The following PHF12 variants were observed in gnomAD, a reference collection of about 807,000 sequenced individuals.
PHF12 encodes the protein PHD finger protein 12.
PHF12 carries 6 observed loss-of-function variants against 99.8 expected under a neutral mutation model. That is an observed-to-expected ratio of 0.06 (90% CI 0.03 to 0.12). The LOEUF (loss-of-function observed/expected upper bound fraction) is 0.12, where lower values mean the gene tolerates loss of function less well. Ranked by LOEUF, PHF12 falls within the 10% of genes least tolerant of loss-of-function variation. The pLI is 1.00. For synonymous variants in PHF12, 480 were observed against 514.9 expected (o/e 0.93, Z 0.92); for missense variants, 954 against 1,300.1 (o/e 0.73, Z 4.09).
At chr17:28,926,120 C>G (rs560459457) in intron 3 of PHF12, 1 of 152,610 alleles carries the variant, frequency 6.6e-6, no homozygotes, top group Non-Finnish European at 1.5e-5. Flanking sequence ...CCCTTATGCA[C>G]GTATTTGAAA....
At chr17:28,928,643 G>A (rs1018175626) in intron 2 of PHF12, among the ~76,000 whole-genome samples, 11 of 152,062 alleles carry the variant, frequency 7.2e-5, no homozygotes, top group African/African-American at 1.4e-4. Context: ...TTAGCTGGGC[G>A]TGGTGGTGGG....
At position 28,906,036 on chromosome 17, in the gene PHF12, C is replaced by T; in HGVS notation, c.*147G>A. Reference sequence around the variant, plus strand: ...AGAAAAAGGATTTTTAAAAAACAGTCAAAAGGTTTTCTTCATTTCATGCAA... The same window carrying T: ...AGAAAAAGGATTTTTAAAAAACAGTTAAAAGGTTTTCTTCATTTCATGCAA... On this transcript the variant is annotated 3_prime_UTR_variant, in exon 15 of 15. Transcript: ENST00000332830. The surrounding 1 kb of genome is among the most constrained non-coding windows in gnomAD (Gnocchi z 4.2). 1.2e-6 allele frequency: 1 copy of T among 802,340 alleles called. No homozygotes were observed. The highest frequency in any genetic ancestry group is 2.9e-5 in the East Asian group (1 of 34,814). The allele number at this position is 802,340 out of a possible 1,614,324, so 49.7% of individuals were successfully genotyped here. A position where few individuals can be genotyped will look rare whatever the true frequency, so the allele number is the denominator to read the frequency against.
rs149638789 is a variant in PHF12 at position 28,940,920 on chromosome 17, C to A, written c.248+9145G>T. Reference sequence around the variant, plus strand: ...CTGTCCTGTATTCTCTTGGGAGGCACGCATTATGCAGAGGTTCTCTTCTAA... The same window carrying A: ...CTGTCCTGTATTCTCTTGGGAGGCAAGCATTATGCAGAGGTTCTCTTCTAA... On this transcript the variant is annotated intron_variant, in intron 2 of 14. Coordinates refer to ENST00000332830, the MANE Select transcript of PHF12 (RefSeq NM_001033561.2). Among the ~76,000 whole-genome samples, 3 of 152,074 alleles carry A rather than the reference C, an allele frequency of 2.0e-5. No individual in the cohort carries two copies. In the South Asian group the frequency reaches 6.2e-4, roughly 31 times the overall value.
intron 4 of PHF12, among the ~76,000 whole-genome samples, chr17:28,923,257 T>C (rs992626375): frequency 6.6e-6 from 1 of 151,874 alleles, no homozygotes; most frequent in Non-Finnish European, 1.5e-5. Flanking sequence ...AGCAGGAAGG[T>C]GGAAAGTAGG....
In PHF12 at chr17:28,912,694, G is replaced by T. The variant is rs1193557513; in HGVS notation, c.1877C>A (p.Pro626His). The change falls in exon 9 of 15, where the codon CCT becomes CAT. Residue 626 changes from proline (P) to histidine (H), a missense_variant. Around this residue, in one of 8 missense-constraint regions of PHF12, gnomAD observed 392 missense variants for 423.1 expected, o/e 0.93. Coordinates refer to ENST00000332830, the MANE Select transcript of PHF12 (RefSeq NM_001033561.2). ...RSLVPVPSLPPSIPSSCASIE... is the reference protein window; with the variant it reads ...RSLVPVPSLPHSIPSSCASIE... ...GCTGGCACAAGAGCTGGGAATGGAA[G>T]GGGGCAGGCTTGGGACAGGAACCAA... The T allele has an allele frequency of 2.5e-6, 4 of 1,614,264 alleles. No homozygotes were observed. Among genetic ancestry groups the T allele is most frequent in the Non-Finnish European group, 3.4e-6 (4 of 1,180,052 alleles).
chr17:28,938,887 A>G (rs976673867), intron 2 of PHF12, among the ~76,000 whole-genome samples: 2 of 152,322 alleles, frequency 1.3e-5, no homozygotes, highest in East Asian at 1.9e-4. Flanking sequence ...CTCCAGAGCC[A>G]TGATTTTCCC....
intron 2 of PHF12, among the ~76,000 whole-genome samples, chr17:28,948,416 T>C (rs1476505099): frequency 6.6e-6 from 1 of 152,228 alleles, no homozygotes; most frequent in African/African-American, 2.4e-5. Context: ...TTACACCTTA[T>C]AGGAAGTAAA....
At chr17:28,926,742 T>C in intron 3 of PHF12, 4 of 1,439,126 alleles carry the variant, frequency 2.8e-6, no homozygotes, top group Non-Finnish European at 3.7e-6. Flanking sequence ...AGACTACTCC[T>C]GTCACTAGTG....
At chr17:28,930,370 C>A (rs964227297) in intron 2 of PHF12, among the ~76,000 whole-genome samples, 57 of 152,218 alleles carry the variant, frequency 3.7e-4, no homozygotes, top group Admixed American at 8.5e-4. Context: ...TTTGTACCTC[C>A]ACACCCTGTA....
chr17:28,928,705 T>C lies in PHF12; in HGVS notation c.249-1642A>G, dbSNP rs572850647. Among the ~76,000 whole-genome samples the C allele has an allele frequency of 7.1e-3, 1,079 of 151,526 alleles. 20 individuals are homozygous for C. The highest frequency in any genetic ancestry group is 7.0e-3 in the Non-Finnish European group (478 of 67,860). Reference sequence around the variant, plus strand: ...GCTGAGGCAGGAGAATCCTTTGAACTCGGGAGGCGGAAGTTGCAGTGAGCC... The same window carrying C: ...GCTGAGGCAGGAGAATCCTTTGAACCCGGGAGGCGGAAGTTGCAGTGAGCC... On this transcript the variant is annotated intron_variant, in intron 2 of 14. Transcript: ENST00000332830.
intron 5 of PHF12, among the ~76,000 whole-genome samples, chr17:28,919,533 G>A (rs2040122927): frequency 6.6e-6 from 1 of 152,210 alleles, no homozygotes. Flanking sequence ...AGGAGACTGA[G>A]ACTGAGACTA....
At chr17:28,948,875 G>A (rs183282397) in intron 2 of PHF12, among the ~76,000 whole-genome samples, 1 of 152,278 alleles carries the variant, frequency 6.6e-6, no homozygotes, top group African/African-American at 2.4e-5. Flanking sequence ...AACTGTTGCA[G>A]AACAACAGAA....
Position 28,950,736 on chromosome 17 carries a change from GC to G in PHF12, c.66+158del. ...CAAACGTCCTCGGAGGCTGAGCTCAGCCCCCTAAATTGCAAAGAGGGGAGGG... is the reference window on the plus strand; with the variant it reads ...CAAACGTCCTCGGAGGCTGAGCTCAGCCCCTAAATTGCAAAGAGGGGAGGG... On this transcript the variant is annotated intron_variant, in intron 1 of 14. Transcript: ENST00000332830. The surrounding 1 kb of genome is among the most constrained non-coding windows in gnomAD (Gnocchi z 5.7). 1 of 1,059,826 alleles carries G rather than the reference GC, an allele frequency of 9.4e-7. No individual in the cohort carries two copies. The highest frequency in any genetic ancestry group is 1.6e-5 in the African/African-American group (1 of 60,982). The allele number at this position is 1,059,826 out of a possible 1,614,324, so 65.7% of individuals were successfully genotyped here.
intron 4 of PHF12, 137 bp from the exon 5 acceptor site, chr17:28,921,945 C>G (rs1415119930): frequency 1.7e-6 from 2 of 1,188,834 alleles, no homozygotes; most frequent in Non-Finnish European, 2.3e-6. Flanking sequence ...TCTGAGGCCC[C>G]TGGGGTTGAT....
Position 28,949,970 on chromosome 17 carries a change from A to C in PHF12, c.248+95T>G, listed in dbSNP as rs2040780137. 1 of 1,378,744 alleles carries C rather than the reference A, an allele frequency of 7.3e-7. No individual in the cohort carries two copies. Among genetic ancestry groups the C allele is most frequent in the Non-Finnish European group, 9.7e-7 (1 of 1,029,000 alleles). The allele number at this position is 1,378,744 out of a possible 1,614,324, so 85.4% of individuals were successfully genotyped here. A position where few individuals can be genotyped will look rare whatever the true frequency, so the allele number is the denominator to read the frequency against. ...TGCAGAAAGTCAGCTAGCGGCTGCA[A>C]GCGCCCGTTATTTCGGCAGTCAGGG... On this transcript the variant is annotated intron_variant, in intron 2 of 14. Transcript: ENST00000332830. The surrounding 1 kb of genome is among the most constrained non-coding windows in gnomAD (Gnocchi z 4.6).
chr17:28,939,750 A>C (rs971590445), intron 2 of PHF12, among the ~76,000 whole-genome samples: 1 of 152,250 alleles, frequency 6.6e-6, no homozygotes, highest in African/African-American at 2.4e-5. Flanking sequence ...TGAGGACCAT[A>C]GCTGAGTAAA....
chr17:28,939,923 T>G (rs1421425338), intron 2 of PHF12, among the ~76,000 whole-genome samples: 1 of 152,234 alleles, frequency 6.6e-6, no homozygotes, highest in African/African-American at 2.4e-5. Flanking sequence ...TCACTCAAGC[T>G]TATTTCAAAA....
At chr17:28,910,927 CTACAGAAGGAG>C in intron 10 of PHF12, 174 bp downstream of exon 10, 1 of 743,974 alleles carries the variant, frequency 1.3e-6, no homozygotes, top group Non-Finnish European at 2.1e-6. Flanking sequence ...GAAGGCAGAG[CTACAGAAGGAG>C]CTTTCTTTTT....
At chr17:28,930,235 A>C (rs544014461) in intron 2 of PHF12, among the ~76,000 whole-genome samples, 1 of 152,194 alleles carries the variant, frequency 6.6e-6, no homozygotes, top group South Asian at 2.1e-4. Context: ...ATCTTTTGAG[A>C]CTCAAGTCAC....
Sources: gnomAD v4.1 joint callset for allele counts (sites outside exome capture counted in the v4.1 genomes callset) on GRCh38, gnomAD v4.1.1 for gene constraint, gnomAD v4.1.1 regional missense constraint, Gnocchi (gnomAD v3.1) non-coding constraint, MANE v1.5 for transcripts, NCBI Gene and HGNC (gene_info 2026-07-23, HGNC 2026-07-21) for gene names.